RPAP3: variants seen among roughly 807,000 people sequenced by gnomAD.
The protein encoded by RPAP3 is RNA polymerase II-associated protein 3.
In RPAP3, 58 loss-of-function variants were observed where a neutral mutation model predicts 88.8. The ratio of observed to expected loss-of-function variants is 0.65; its 90% CI spans 0.53 to 0.81. The LOEUF (loss-of-function observed/expected upper bound fraction) is 0.81, where lower values mean the gene tolerates loss of function less well. Among genes scored for constraint, RPAP3 ranks in the 40% least tolerant of loss-of-function variants. The pLI is 0.00. For synonymous variants in RPAP3, 255 were observed against 259.9 expected (o/e 0.98, Z 0.18); for missense variants, 751 against 764.3 (o/e 0.98, Z 0.20).
At chr12:47,669,483 C>A (rs919529003) in intron 13 of RPAP3, among the ~76,000 whole-genome samples, 1 of 152,030 alleles carries the variant, frequency 6.6e-6, no homozygotes, top group Non-Finnish European at 1.5e-5. Flanking sequence ...CCAAAAAAAA[C>A]TGCCTATATA....
At chr12:47,664,949 G>C (rs1479688965) in intron 16 of RPAP3, 1 of 152,212 alleles carries the variant, frequency 6.6e-6, no homozygotes, top group African/African-American at 2.4e-5. Context: ...TTCATGGGGG[G>C]TCAGTGAAGA....
intron 5 of RPAP3, among the ~76,000 whole-genome samples, chr12:47,690,989 T>G (rs1939417177): frequency 6.6e-6 from 1 of 152,222 alleles, no homozygotes; most frequent in African/African-American, 2.4e-5. Context: ...ATTAAAAAAC[T>G]TTATTGCTAA....
At chr12:47,705,001 G>T (rs1156806850) in intron 1 of RPAP3, among the ~76,000 whole-genome samples, 1 of 151,962 alleles carries the variant, frequency 6.6e-6, no homozygotes. Flanking sequence ...AAGGAGGGGG[G>T]GGAATGAAAT....
At chr12:47,672,408 AAAATTTGT>A (rs1939017790) in intron 12 of RPAP3, among the ~76,000 whole-genome samples, 1 of 152,226 alleles carries the variant, frequency 6.6e-6, no homozygotes, top group Non-Finnish European at 1.5e-5. Context: ...AAAGGAAACT[AAAATTTGT>A]TTCACCTGAA....
At chr12:47,674,084 T>TGA (rs543539960) in intron 12 of RPAP3, among the ~76,000 whole-genome samples, 7 of 123,338 alleles carry the variant, frequency 5.7e-5, no homozygotes, top group Non-Finnish European at 8.2e-5. Flanking sequence ...TTAAAGATTC[T>TGA]AAAAAAAAAA....
chr12:47,668,809 T>A, intron 14 of RPAP3, 107 bp downstream of exon 14: 1 of 778,286 alleles, frequency 1.3e-6, no homozygotes, highest in Non-Finnish European at 2.1e-6. Context: ...TACAATAATT[T>A]CTACAATAAT....
intron 5 of RPAP3, among the ~76,000 whole-genome samples, chr12:47,693,373 C>T (rs115616051): frequency 6.6e-6 from 1 of 152,134 alleles, no homozygotes. Context: ...GATCCCTGAT[C>T]AGAGATCACC....
intron 9 of RPAP3, 48 bp downstream of exon 9, chr12:47,686,732 A>AT: frequency 7.4e-7 from 1 of 1,359,708 alleles, no homozygotes; most frequent in Non-Finnish European, 9.7e-7. Context: ...TTACCAATTT[A>AT]TTGTAAATTT....
At chr12:47,689,514 T>C (rs1365405921) in intron 6 of RPAP3, among the ~76,000 whole-genome samples, 2 of 152,166 alleles carry the variant, frequency 1.3e-5, no homozygotes, top group Non-Finnish European at 2.9e-5. Context: ...AATTTTTGTA[T>C]TTTTAGTAGA....
intron 9 of RPAP3, among the ~76,000 whole-genome samples, chr12:47,686,576 A>ACACACG (rs1939328310): frequency 6.6e-6 from 1 of 150,626 alleles, no homozygotes. Flanking sequence ...ACACACACAC[A>ACACACG]CTACTTTTCC....
In RPAP3 at chr12:47,679,494, G is replaced by T. The variant is rs1939180806; in HGVS notation, c.1286C>A (p.Thr429Asn). Residue 429 changes from threonine (T) to asparagine (N), a missense_variant and splice_region_variant, in exon 12 of 17, where the codon ACT (threonine) becomes AAT (asparagine). Coordinates refer to ENST00000005386, the MANE Select transcript of RPAP3 (RefSeq NM_024604.3). ...PIDNPPHPGS[T>N]KPLKKVIIEE... ...AAAAAATGAAAGTGCTTTACTTACA[G>T]TTGATCCAGGATGCGGTGGATTATC... The T allele has an allele frequency of 3.2e-6, 5 of 1,585,980 alleles. No individual in the cohort carries two copies. The highest frequency in any genetic ancestry group is 4.3e-6 in the Non-Finnish European group (5 of 1,159,898).
intron 16 of RPAP3, among the ~76,000 whole-genome samples, chr12:47,665,642 T>A (rs1386262165): frequency 6.6e-6 from 1 of 151,064 alleles, no homozygotes; most frequent in African/African-American, 2.4e-5. Context: ...TTTTTATTTT[T>A]ATTTAACTAT....
intron 1 of RPAP3, among the ~76,000 whole-genome samples, chr12:47,703,691 CAG>C (rs1405846841): frequency 1.3e-5 from 2 of 151,738 alleles, no homozygotes; most frequent in African/African-American, 4.8e-5. Context: ...AGTGGGCAGG[CAG>C]AGTGAGGAAT....
chr12:47,685,594 A>G (rs975097057), intron 9 of RPAP3, among the ~76,000 whole-genome samples: 1 of 152,156 alleles, frequency 6.6e-6, no homozygotes, highest in Non-Finnish European at 1.5e-5. Context: ...GAAGACAAAG[A>G]GCTAAGGCAT....
Position 47,702,769 on chromosome 12 carries a change from A to G in RPAP3, c.72T>C (p.Phe24=). ...VKQNAEELQD[F]MRDLENWEKD... ...TTTCCCAGTTTTCTAAATCCCGCATAAAGTCTTGTAATTCTTCTGCATTTT... is the reference window on the plus strand; with the variant it reads ...TTTCCCAGTTTTCTAAATCCCGCATGAAGTCTTGTAATTCTTCTGCATTTT... The change falls in exon 2 of 17, where the codon TTT becomes TTC. Residue 24 remains phenylalanine, a synonymous_variant. Coordinates refer to ENST00000005386, the MANE Select transcript of RPAP3 (RefSeq NM_024604.3). 2 of 1,612,662 alleles carry G rather than the reference A, an allele frequency of 1.2e-6. No individual in the cohort carries two copies. Among genetic ancestry groups the G allele is most frequent in the Non-Finnish European group, 1.7e-6 (2 of 1,178,920 alleles).
chr12:47,685,248 G>A (rs917941114), intron 9 of RPAP3, among the ~76,000 whole-genome samples: 5 of 152,012 alleles, frequency 3.3e-5, no homozygotes, highest in South Asian at 2.1e-4. Context: ...GTGTCATGGC[G>A]CATGCCTGTA....
chr12:47,667,735 TA>T lies in RPAP3; in HGVS notation c.1811+18del, dbSNP rs752121742. On this transcript the variant is annotated intron_variant, in intron 15 of 16. Coordinates refer to ENST00000005386, the MANE Select transcript of RPAP3 (RefSeq NM_024604.3). ...ATTAAGTGAGGACTTACTGTATAAC[TA>T]AAAAAAACTTGACTTACTCAATGTA... 2.9e-5 allele frequency: 42 copies of T among 1,452,810 alleles called. No homozygotes were observed. The highest frequency in any genetic ancestry group is 2.0e-4 in the South Asian group (16 of 81,318). 90.0% of individuals were successfully genotyped at this position (1,452,810 alleles called of 1,614,324 possible). A position where few individuals can be genotyped will look rare whatever the true frequency, so the allele number is the denominator to read the frequency against.
Position 47,663,560 on chromosome 12 carries a change from T to C in RPAP3, c.1943A>G (p.Lys648Arg). 1 of 1,589,036 alleles carries C rather than the reference T, an allele frequency of 6.3e-7. No homozygotes were observed. Among genetic ancestry groups the C allele is most frequent in the Non-Finnish European group, 8.6e-7 (1 of 1,168,396 alleles). Residue 648 changes from lysine to arginine, a missense_variant, in exon 17 of 17, where the codon AAG becomes AGG. Transcript: ENST00000005386. Reference sequence around the variant, plus strand: ...GACAGAACTATCCTTCAATCCTGACTTGTCTATGTGATTAAATAATGCACG... The same window carrying C: ...GACAGAACTATCCTTCAATCCTGACCTGTCTATGTGATTAAATAATGCACG... Reference protein sequence around the residue: ...IARALFNHIDKSGLKDSSVEE... With the variant: ...IARALFNHIDRSGLKDSSVEE...
At position 47,661,555 on chromosome 12, in the gene RPAP3, C is replaced by T. The variant is rs1938760229; in HGVS notation, c.*1950G>A. On this transcript the variant is annotated 3_prime_UTR_variant, in exon 17 of 17. Coordinates refer to ENST00000005386, the MANE Select transcript of RPAP3 (RefSeq NM_024604.3). ...AACTCAAGAAGTCTGAATCCAGAGCCTCTGGTCTTAAATCACTACATGAAA... is the reference window on the plus strand; with the variant it reads ...AACTCAAGAAGTCTGAATCCAGAGCTTCTGGTCTTAAATCACTACATGAAA... 1 of 152,182 alleles carries T rather than the reference C, an allele frequency of 6.6e-6. No individual in the cohort carries two copies. The highest frequency in any genetic ancestry group is 6.5e-5 in the Admixed American group (1 of 15,270). The allele number at this position is 152,182 out of a possible 1,614,324, so 9.4% of individuals were successfully genotyped here. A position where few individuals can be genotyped will look rare whatever the true frequency, so the allele number is the denominator to read the frequency against.
Sources: gnomAD v4.1 joint callset for allele counts (sites outside exome capture counted in the v4.1 genomes callset) on GRCh38, gnomAD v4.1.1 for gene constraint, MANE v1.5 for transcripts, NCBI Gene and HGNC (gene_info 2026-07-23, HGNC 2026-07-21) for gene names.